Variants in ZNRF1 observed in about 807,000 individuals in gnomAD.
ZNRF1 encodes the protein E3 ubiquitin-protein ligase ZNRF1.
ZNRF1 carries 3 observed loss-of-function variants against 18.4 expected under a neutral mutation model. The observed-to-expected ratio is 0.16, with a 90% confidence interval of 0.07 to 0.42. The LOEUF (loss-of-function observed/expected upper bound fraction) is 0.42, where lower values mean the gene tolerates loss of function less well. ZNRF1 is among the 10% of genes least tolerant of loss of function. The pLI is 0.99. For missense variants in ZNRF1, 310 were observed against 329.8 expected (o/e 0.94, Z 0.47); for synonymous variants, 157 against 144.2 (o/e 1.09, Z -0.64).
intron 1 of ZNRF1, among the ~76,000 whole-genome samples, chr16:75,066,590 C>G (rs906524093): frequency 6.6e-6 from 1 of 152,198 alleles, no homozygotes; most frequent in Non-Finnish European, 1.5e-5. Context: ...GCAACCTCCA[C>G]TTTCCGGGTT....
chr16:75,004,244 CAT>C (rs1326897480), intron 1 of ZNRF1, among the ~76,000 whole-genome samples: 1 of 152,188 alleles, frequency 6.6e-6, no homozygotes, highest in Non-Finnish European at 1.5e-5. Context: ...TGCTTTTACT[CAT>C]AATGCCGCTG....
chr16:75,056,966 C>G lies in ZNRF1; in HGVS notation c.425-36606C>G, dbSNP rs116534336. On this transcript the variant is annotated intron_variant, in intron 1 of 4. Transcript: ENST00000335325. ...AAAGACTTTTTAATGCCACTAGATT[C>G]CTCTCCTGATGCATTCAGGCCTGTG... Among the ~76,000 whole-genome samples, 1,047 of 152,288 alleles carry G rather than the reference C, an allele frequency of 6.9e-3. 18 individuals are homozygous for G. The highest frequency in any genetic ancestry group is 0.024 in the African/African-American group (998 of 41,546).
At chr16:75,099,335 GT>G (rs1350745227) in intron 2 of ZNRF1, among the ~76,000 whole-genome samples, 3 of 152,170 alleles carry the variant, frequency 2.0e-5, no homozygotes, top group Non-Finnish European at 4.4e-5. Context: ...AATAGCAGCT[GT>G]CAGAAGCACC....
chr16:75,081,278 G>A (rs1007257869), intron 1 of ZNRF1, among the ~76,000 whole-genome samples: 1 of 152,214 alleles, frequency 6.6e-6, no homozygotes, highest in Non-Finnish European at 1.5e-5. Context: ...TTTCTAGGAA[G>A]GTCTTCTGAG....
At position 75,052,919 on chromosome 16, in the gene ZNRF1, C is replaced by G. The variant is rs574770036; in HGVS notation, c.425-40653C>G. 6.8e-4 allele frequency among the ~76,000 whole-genome samples: 104 copies of G among 152,320 alleles called. 1 individual carries two copies. The highest frequency in any genetic ancestry group is 2.4e-3 in the African/African-American group (101 of 41,562). ...ACAAACTTACAGAGTTAAAGCAAGG[C>G]TGGCAACCCATGTGAAAATGAGGAG... On this transcript the variant is annotated intron_variant, in intron 1 of 4. Coordinates refer to ENST00000335325, the MANE Select transcript of ZNRF1 (RefSeq NM_032268.5).
intron 1 of ZNRF1, among the ~76,000 whole-genome samples, chr16:75,066,544 C>G (rs1353679320): frequency 6.6e-6 from 1 of 152,172 alleles, no homozygotes; most frequent in African/African-American, 2.4e-5. Context: ...GCTCGGTCAC[C>G]TAGGCTGCAG....
chr16:75,055,723 G>A (rs1443024726), intron 1 of ZNRF1, among the ~76,000 whole-genome samples: 7 of 152,118 alleles, frequency 4.6e-5, no homozygotes, highest in East Asian at 1.9e-4. Context: ...ACCCTACCAC[G>A]CTTTCCAAGT....
chr16:75,071,425 C>T (rs933821584), intron 1 of ZNRF1, among the ~76,000 whole-genome samples: 1 of 152,140 alleles, frequency 6.6e-6, no homozygotes, highest in Admixed American at 6.5e-5. Context: ...CCTCACGTGT[C>T]TGGTTCTCCA....
In ZNRF1 at chr16:75,093,384, C is replaced by CAA. The variant is rs574718849; in HGVS notation, c.425-171_425-170dup. On this transcript the variant is annotated intron_variant, in intron 1 of 4. Transcript: ENST00000335325. ...TGGGCGACAGAGTGAGACTTCGTCT[C>CAA]AAAAAAAAAAAAAAAAAAGGCAGAT... Among the ~76,000 whole-genome samples, 460 of 67,890 alleles carry CAA rather than the reference C, an allele frequency of 6.8e-3. 6 individuals are homozygous for CAA. Among genetic ancestry groups the CAA allele is most frequent in the African/African-American group, 0.019 (393 of 20,228 alleles). The allele number at this position is 67,890 out of a possible 152,430, so 44.5% of individuals were successfully genotyped here.
intron 1 of ZNRF1, among the ~76,000 whole-genome samples, chr16:75,089,982 T>C (rs1287683733): frequency 6.6e-6 from 1 of 152,218 alleles, no homozygotes; most frequent in East Asian, 1.9e-4. Context: ...CAGGTCACTT[T>C]AACGCTAGGC....
intron 1 of ZNRF1, among the ~76,000 whole-genome samples, chr16:75,000,915 A>C (rs2034840424): frequency 6.6e-6 from 1 of 152,144 alleles, no homozygotes. Context: ...AGGAGGATTC[A>C]GAGAATCTGG....
At chr16:75,060,463 C>T (rs2035727720) in intron 1 of ZNRF1, among the ~76,000 whole-genome samples, 1 of 142,040 alleles carries the variant, frequency 7.0e-6, no homozygotes, top group East Asian at 2.1e-4. Flanking sequence ...GCATACCAGA[C>T]TCAGAAAATC....
chr16:75,070,706 C>G (rs1450429667), intron 1 of ZNRF1, among the ~76,000 whole-genome samples: 1 of 152,056 alleles, frequency 6.6e-6, no homozygotes, highest in African/African-American at 2.4e-5. Context: ...CATGGAGGTA[C>G]TGCTTTCCTG....
At position 74,999,578 on chromosome 16, in the gene ZNRF1, C is replaced by G; in HGVS notation, c.-94C>G. 2 of 948,268 alleles carry G rather than the reference C, an allele frequency of 2.1e-6. No homozygotes were observed. Among genetic ancestry groups the G allele is most frequent in the Non-Finnish European group, 2.8e-6 (2 of 716,290 alleles). 58.7% of individuals were successfully genotyped at this position (948,268 alleles called of 1,614,324 possible). ...CTCCGGGTCTCCTTTTTGACTCCCTCCCCCTTTATGCTCGCCCAGCCCTCC... is the reference window on the plus strand; with the variant it reads ...CTCCGGGTCTCCTTTTTGACTCCCTGCCCCTTTATGCTCGCCCAGCCCTCC... On this transcript the variant is annotated 5_prime_UTR_variant, in exon 1 of 5. Coordinates refer to ENST00000335325, the MANE Select transcript of ZNRF1 (RefSeq NM_032268.5).
chr16:75,015,402 C>G (rs960435921), intron 1 of ZNRF1, among the ~76,000 whole-genome samples: 1 of 152,122 alleles, frequency 6.6e-6, no homozygotes, highest in African/African-American at 2.4e-5. Context: ...ATGGACAAAC[C>G]TCATCTCTAC....
intron 1 of ZNRF1, among the ~76,000 whole-genome samples, chr16:75,061,039 G>T (rs1385922452): frequency 1.3e-5 from 2 of 152,116 alleles, no homozygotes; most frequent in Non-Finnish European, 2.9e-5. Flanking sequence ...TACATAGTAG[G>T]TATGCATTTT....
At chr16:75,068,412 G>C (rs913776775) in intron 1 of ZNRF1, among the ~76,000 whole-genome samples, 2 of 152,030 alleles carry the variant, frequency 1.3e-5, no homozygotes, top group Non-Finnish European at 2.9e-5. Context: ...GTCTCAGTTT[G>C]CGGGGGGCAC....
chr16:75,090,498 G>A (rs4888342), intron 1 of ZNRF1, among the ~76,000 whole-genome samples: 113,894 of 152,034 alleles, frequency 0.75, 44,582 homozygotes, highest in Non-Finnish European at 0.87. Context: ...GATTACAGGC[G>A]TGAGCCACCA....
intron 1 of ZNRF1, among the ~76,000 whole-genome samples, chr16:75,063,344 C>T (rs532375337): frequency 1.3e-5 from 2 of 152,268 alleles, no homozygotes; most frequent in East Asian, 3.9e-4. Flanking sequence ...GGGGTGTGCA[C>T]ATTCCTGGAG....
Sources: gnomAD v4.1 joint callset for allele counts (sites outside exome capture counted in the v4.1 genomes callset) on GRCh38, gnomAD v4.1.1 for gene constraint, MANE v1.5 for transcripts, NCBI Gene and HGNC (gene_info 2026-07-23, HGNC 2026-07-21) for gene names.